NAGPA: variants seen among roughly 807,000 people sequenced by gnomAD.
NAGPA encodes the protein N-acetylglucosamine-1-phosphodiester alpha-N-acetylglucosaminidase, also known as alpha-N-acetylglucosaminyl phosphodiesterase.
Under a neutral mutation model 48.5 loss-of-function variants are expected in NAGPA, and 56 were observed. The ratio of observed to expected loss-of-function variants is 1.15; its 90% CI spans 0.93 to 1.44. The LOEUF is 1.44. NAGPA is among the 40% of genes most tolerant of loss of function. The probability of loss-of-function intolerance (pLI) is 0.00; values close to 1 mark genes in which losing one functional copy is unlikely to be tolerated. For missense variants in NAGPA, 888 were observed against 735.0 expected (o/e 1.21, Z -2.41); for synonymous variants, 399 against 315.5 (o/e 1.26, Z -2.81).
At chr16:5,026,545 T>G (rs1956004594) in intron 9 of NAGPA, among the ~76,000 whole-genome samples, 1 of 151,416 alleles carries the variant, frequency 6.6e-6, no homozygotes, top group African/African-American at 2.4e-5. Context: ...AAAAAAAAAG[T>G]TTAAAAAAAT....
intron 3 of NAGPA, chr16:5,031,423 G>A (rs1050979236): frequency 2.5e-5 from 9 of 361,486 alleles, no homozygotes; most frequent in South Asian, 2.1e-4. Flanking sequence ...GGGCCACGCC[G>A]ATGTTGCAGG....
rs755566028 is a variant in NAGPA, at chr16:5,033,743, G to A, written c.87-15C>T. 4 of 1,599,992 alleles carry A rather than the reference G, an allele frequency of 2.5e-6. No individual in the cohort carries two copies. The East Asian group carries it at 9.0e-5, about 36-fold the overall frequency. ...CGCGGGAGGCCCTGCGGGGACGGGC[G>A]GCCGTGAGCTCAGGGGGCTGTCCTC... is the stretch of plus-strand genomic sequence containing the variant. On this transcript the variant is annotated splice_polypyrimidine_tract_variant and intron_variant, in intron 1 of 9. Transcript: ENST00000312251. This position sits in a 1 kb window ranked among gnomAD's most constrained non-coding sequence, Gnocchi z 4.2.
Position 5,031,577 on chromosome 16 carries a change from A to G in NAGPA, c.682+168T>C, listed in dbSNP as rs1956096731. ...ATATTCTATAACTATTTTTTGTCCT[A>G]TATATTCAATATAAGCCTATCTTCC... On this transcript the variant is annotated intron_variant, in intron 3 of 9. Transcript: ENST00000312251. 8 of 867,960 alleles carry G rather than the reference A, an allele frequency of 9.2e-6. No homozygotes were observed. In the South Asian group the frequency reaches 9.9e-5, roughly 11 times the overall value. 53.8% of individuals were successfully genotyped at this position (867,960 alleles called of 1,614,324 possible). A position where few individuals can be genotyped will look rare whatever the true frequency, so the allele number is the denominator to read the frequency against.
chr16:5,025,039 A>G lies in NAGPA; in HGVS notation c.*439T>C. The G allele has an allele frequency of 4.8e-6, 1 of 206,850 alleles. No individual in the cohort carries two copies. The highest frequency in any genetic ancestry group is 1.0e-5 in the Non-Finnish European group (1 of 100,416). The allele number at this position is 206,850 out of a possible 1,614,324, so 12.8% of individuals were successfully genotyped here. The stretch of plus-strand genomic sequence containing the variant: ...AATCCAGTGATGAGGTCTGTAGAAA[A>G]GGGGTCCCGTGTCACAGCCAGGAAG... On this transcript the variant is annotated 3_prime_UTR_variant, in exon 10 of 10. Coordinates refer to ENST00000312251, the MANE Select transcript of NAGPA (RefSeq NM_016256.4).
At position 5,033,760 on chromosome 16, in the gene NAGPA, GC is replaced by G. The variant is rs1956151204; in HGVS notation, c.87-33del. 6.3e-7 allele frequency: 1 copy of G among 1,592,466 alleles called. No homozygotes were observed. The highest frequency in any genetic ancestry group is 1.3e-5 in the African/African-American group (1 of 74,680). On this transcript the variant is annotated intron_variant, in intron 1 of 9. Coordinates refer to ENST00000312251, the MANE Select transcript of NAGPA (RefSeq NM_016256.4). This position sits in a 1 kb window ranked among gnomAD's most constrained non-coding sequence, Gnocchi z 4.2. ...GGACGGGCGGCCGTGAGCTCAGGGG[GC>G]TGTCCTCGTGAGCTCGGAGGACAGG...
Position 5,031,861 on chromosome 16 carries a change from AG to A in NAGPA, c.565del (p.Leu189TrpfsTer11). The A allele has an allele frequency of 6.2e-7, 1 of 1,614,154 alleles. No homozygotes were observed. The highest frequency in any genetic ancestry group is 8.5e-7 in the Non-Finnish European group (1 of 1,180,016). ...CTGCACAAATGGGTTCTCAGTGTCC[AG>A]CACCTCCTCCTCAGACAGGTACCTG... ...VTGYLSEEEV[L>X]DTENPFVQLL... On this transcript the variant is annotated frameshift_variant, in exon 3 of 10. Coordinates refer to ENST00000312251, the MANE Select transcript of NAGPA (RefSeq NM_016256.4). LOFTEE classifies it high-confidence loss of function.
At chr16:5,030,312 G>T in intron 4 of NAGPA, 73 bp downstream of exon 4, 9 of 1,349,030 alleles carry the variant, frequency 6.7e-6, no homozygotes, top group Non-Finnish European at 9.3e-6. Context: ...GTCAGAGGGT[G>T]GCTGTCATTG....
chr16:5,025,299 T>G lies in NAGPA; in HGVS notation c.*179A>C. 1 of 716,046 alleles carries G rather than the reference T, an allele frequency of 1.4e-6. No homozygotes were observed. Among genetic ancestry groups the G allele is most frequent in the Non-Finnish European group, 2.4e-6 (1 of 418,866 alleles). The allele number at this position is 716,046 out of a possible 1,614,324, so 44.4% of individuals were successfully genotyped here. On this transcript the variant is annotated 3_prime_UTR_variant, in exon 10 of 10. Coordinates refer to ENST00000312251, the MANE Select transcript of NAGPA (RefSeq NM_016256.4). ...AGCATGGTATTGCTAGGGTTGCAGG[T>G]GCCCTGGCAGGTGGCCAGGTGAGGG...
intron 3 of NAGPA, chr16:5,030,943 TTTGAGACAAAGAGTCTCGCTG>T (rs1006924714): frequency 8.0e-6 from 2 of 249,622 alleles, no homozygotes; most frequent in Non-Finnish European, 1.6e-5. Context: ...TTTTTTTTTT[TTTGAGACAAAGAGTCTCGCTG>T]TGTTGCCCGG....
At chr16:5,030,202 T>C (rs1287019116) in intron 4 of NAGPA, 183 bp downstream of exon 4, 3 of 640,684 alleles carry the variant, frequency 4.7e-6, no homozygotes, top group Admixed American at 4.9e-5. Context: ...TGATGAGTTC[T>C]TGGAATCGGC....
chr16:5,027,507 C>T (rs1956023816), intron 7 of NAGPA, 128 bp from the exon 8 acceptor site: 2 of 985,928 alleles, frequency 2.0e-6, no homozygotes, highest in Non-Finnish European at 3.1e-6. Flanking sequence ...AAAGGTGAAG[C>T]ACCCCCTGCC....
chr16:5,027,635 G>C (rs1480226954), intron 7 of NAGPA, among the ~76,000 whole-genome samples: 1 of 152,222 alleles, frequency 6.6e-6, no homozygotes, highest in East Asian at 1.9e-4. Flanking sequence ...TGGAGCCAGA[G>C]CCCGGGGACC....
At chr16:5,031,572 G>A in intron 3 of NAGPA, 173 bp downstream of exon 3, 1 of 825,584 alleles carries the variant, frequency 1.2e-6, no homozygotes, top group Non-Finnish European at 2.0e-6. Flanking sequence ...ACTATTTTTT[G>A]TCCTATATAT....
In NAGPA at chr16:5,031,848, G is replaced by C; in HGVS notation, c.579C>G (p.Asn193Lys). 1 of 1,614,100 alleles carries C rather than the reference G, an allele frequency of 6.2e-7. No homozygotes were observed. Residue 193 changes from asparagine (N) to lysine (K), a missense_variant, in exon 3 of 10, where the codon AAC becomes AAG. By Grantham distance (94) the Asn-to-Lys change is moderately conservative. Coordinates refer to ENST00000312251, the MANE Select transcript of NAGPA (RefSeq NM_016256.4). Reference protein sequence around the residue: ...LSEEEVLDTENPFVQLLSGVV... With the variant: ...LSEEEVLDTEKPFVQLLSGVV... ...CCCCACTCAGCAGCTGCACAAATGG[G>C]TTCTCAGTGTCCAGCACCTCCTCCT...
rs555935043 is a variant in NAGPA, at chr16:5,025,483, C to A, written c.1543G>T (p.Asp515Tyr). Residue 515 changes from aspartate to tyrosine, a missense_variant, in exon 10 of 10, where the codon GAC becomes TAC. Asp to Tyr is a radical substitution (Grantham distance 160). Transcript: ENST00000312251. ...ACCCCGGGCAGCTTGAGGCTTCAGT[C>A]CTTGAAGGGGTTGTGGGCGCCCCCT... ...QPGGAHNPFK[D>Y] The A allele has an allele frequency of 1.4e-5, 23 of 1,612,182 alleles. No individual in the cohort carries two copies. The highest frequency in any genetic ancestry group is 5.0e-5 in the Admixed American group (3 of 60,034).
intron 3 of NAGPA, 80 bp downstream of exon 3, chr16:5,031,665 G>A: frequency 6.3e-7 from 1 of 1,587,020 alleles, no homozygotes; most frequent in Non-Finnish European, 8.7e-7. Flanking sequence ...AATACTTGTT[G>A]AAAGACTTAA....
chr16:5,028,564 C>G, intron 5 of NAGPA: 1 of 551,822 alleles, frequency 1.8e-6, no homozygotes, highest in Non-Finnish European at 3.3e-6. Flanking sequence ...TTCCTCCGCT[C>G]CCTACAATCC....
intron 4 of NAGPA, 166 bp from the exon 5 acceptor site, chr16:5,029,174 G>T: frequency 1.8e-6 from 2 of 1,116,802 alleles, no homozygotes; most frequent in Non-Finnish European, 2.6e-6. Flanking sequence ...CTGTGAACAC[G>T]TGAGATCACA....
rs766142414 is a variant in NAGPA, at chr16:5,033,734, G to A, written c.87-6C>T. 6.2e-7 allele frequency: 1 copy of A among 1,602,006 alleles called. No homozygotes were observed. Among genetic ancestry groups the A allele is most frequent in the South Asian group, 1.1e-5 (1 of 89,716 alleles). On this transcript the variant is annotated splice_polypyrimidine_tract_variant and splice_region_variant and intron_variant, in intron 1 of 9. Coordinates refer to ENST00000312251, the MANE Select transcript of NAGPA (RefSeq NM_016256.4). This position sits in a 1 kb window ranked among gnomAD's most constrained non-coding sequence, Gnocchi z 4.2. ...AGTCGTCGTCGCGGGAGGCCCTGCG[G>A]GGACGGGCGGCCGTGAGCTCAGGGG...
Sources: gnomAD v4.1 joint callset for allele counts (sites outside exome capture counted in the v4.1 genomes callset) on GRCh38, gnomAD v4.1.1 for gene constraint, Gnocchi (gnomAD v3.1) non-coding constraint, MANE v1.5 for transcripts, NCBI Gene and HGNC (gene_info 2026-07-23, HGNC 2026-07-21) for gene names.